GBA1: variants seen among roughly 807,000 people sequenced by gnomAD.
GBA1 encodes lysosomal acid glucosylceramidase.
chr1:155,239,773 C>A, the GBA1 span: 1 of 1,614,020 alleles, frequency 6.2e-7, no homozygotes, highest in South Asian at 1.1e-5. Flanking sequence ...CTGAGGACAT[C>A]CACAGGGAAT....
the GBA1 span, chr1:155,236,575 G>A: frequency 1.1e-6 from 1 of 916,430 alleles, no homozygotes; most frequent in Non-Finnish European, 1.8e-6. Context: ...AATGCAACTA[G>A]AGAGGTTTGG....
the GBA1 span, chr1:155,240,722 G>A: frequency 2.5e-6 from 4 of 1,610,656 alleles, no homozygotes; most frequent in South Asian, 3.3e-5. Flanking sequence ...ACATTCCTGA[G>A]GACAGAATGA....
the GBA1 span, chr1:155,238,404 C>G: frequency 1.4e-6 from 2 of 1,456,976 alleles, no homozygotes; most frequent in Non-Finnish European, 1.9e-6. Context: ...CACCCTCCCA[C>G]CCCCAGGACA....
chr1:155,241,274 G>A, the GBA1 span: 3 of 702,788 alleles, frequency 4.3e-6, no homozygotes, highest in African/African-American at 5.3e-5. Flanking sequence ...GATGGGTCAT[G>A]TGATGACTAG....
the GBA1 span, among the ~76,000 whole-genome samples, chr1:155,236,805 A>G: frequency 6.6e-6 from 1 of 151,934 alleles, no homozygotes; most frequent in South Asian, 2.1e-4. Flanking sequence ...ATATACATAT[A>G]AACACATATA....
At chr1:155,242,284 G>A in the GBA1 span, among the ~76,000 whole-genome samples, 7 of 150,380 alleles carry the variant, frequency 4.7e-5, no homozygotes, top group East Asian at 2.0e-4. Context: ...GTGCAGTGGC[G>A]TGATCTTGGC....
At chr1:155,239,862 G>A in the GBA1 span, 3 of 1,613,972 alleles carry the variant, frequency 1.9e-6, no homozygotes, top group Non-Finnish European at 2.5e-6. Flanking sequence ...GCCTGGCCCA[G>A]GGGGTGAGGG....
chr1:155,243,763 C>T, the GBA1 span, among the ~76,000 whole-genome samples: 1 of 152,022 alleles, frequency 6.6e-6, no homozygotes, highest in Non-Finnish European at 1.5e-5. Context: ...TGCGCCCAGT[C>T]CGCTTGTTTT....
chr1:155,239,560 A>G, the GBA1 span: 1 of 1,604,716 alleles, frequency 6.2e-7, no homozygotes, highest in Non-Finnish European at 8.5e-7. Flanking sequence ...TAAAAAAAGA[A>G]AAGAAAAACG....
chr1:155,239,915 C>T, the GBA1 span: 1 of 1,613,996 alleles, frequency 6.2e-7, no homozygotes, highest in Non-Finnish European at 8.5e-7. Context: ...CTGGATGGGC[C>T]CCATACTCAG....
chr1:155,240,146 A>C, the GBA1 span: 1 of 1,436,568 alleles, frequency 7.0e-7, no homozygotes, highest in South Asian at 1.2e-5. Context: ...ATCTGCTAGG[A>C]GAGACTGAAC....
the GBA1 span, chr1:155,237,681 C>A: frequency 1.3e-6 from 2 of 1,564,462 alleles, no homozygotes; most frequent in Non-Finnish European, 1.7e-6. Context: ...GAAGCCGAGG[C>A]AGGTGGATCA....
chr1:155,236,055 TG>T, the GBA1 span: 1 of 736,484 alleles, frequency 1.4e-6, no homozygotes, highest in South Asian at 1.6e-5. Context: ...CCTCAGTAGT[TG>T]CAAAAGGGGC....
At chr1:155,240,819 C>T in the GBA1 span, 4 of 1,031,614 alleles carry the variant, frequency 3.9e-6, no homozygotes, top group Admixed American at 6.9e-5. Context: ...ATGGCCCGGT[C>T]TCCCACATTC....
At chr1:155,238,020 G>T in the GBA1 span, 3 of 1,130,952 alleles carry the variant, frequency 2.7e-6, no homozygotes, top group Non-Finnish European at 4.0e-6. Flanking sequence ...AAGGTAGAAA[G>T]GTGAGCTGAG....
At chr1:155,236,298 C>G in the GBA1 span, 2 of 1,614,200 alleles carry the variant, frequency 1.2e-6, no homozygotes, top group African/African-American at 2.7e-5. Context: ...CCTAGCCGCA[C>G]ACTCTGCTCC....
the GBA1 span, chr1:155,235,883 A>G: frequency 7.4e-6 from 12 of 1,613,764 alleles, no homozygotes; most frequent in East Asian, 2.0e-4. Context: ...AAGGCGCAAC[A>G]CTGGGGGTCC....
chr1:155,239,935 T>C, the GBA1 span: 1 of 1,614,090 alleles, frequency 6.2e-7, no homozygotes, highest in Middle Eastern at 1.7e-4. Context: ...GCTCCATCCG[T>C]CGCCCACTGC....
chr1:155,242,930 G>A, the GBA1 span, among the ~76,000 whole-genome samples: 1 of 152,184 alleles, frequency 6.6e-6, no homozygotes, highest in African/African-American at 2.4e-5. Flanking sequence ...GAGACAGCAA[G>A]TTTGGAATCC....
Sources: allele counts gnomAD v4.1 joint callset (sites outside exome capture counted in the v4.1 genomes callset), GRCh38; gene constraint gnomAD v4.1.1; transcripts MANE v1.5; gene names NCBI Gene and HGNC (gene_info 2026-07-23, HGNC 2026-07-21).